The following SCHIP1 variants were observed in gnomAD, a reference collection of about 807,000 sequenced individuals.
SCHIP1 encodes schwannomin interacting protein 1, also known as schwannomin-interacting protein 1.
In SCHIP1, 8 loss-of-function variants were observed where a neutral mutation model predicts 29.7. The observed-to-expected ratio is 0.27, with a 90% confidence interval of 0.16 to 0.49. The LOEUF is 0.49. SCHIP1 is among the 20% of genes least tolerant of loss of function. The pLI, the probability that SCHIP1 is intolerant of heterozygous loss-of-function variation, is 0.99. For missense variants in SCHIP1, 193 were observed against 294.6 expected (o/e 0.66, Z 2.52); for synonymous variants, 76 against 94.9 (o/e 0.80, Z 1.16).
At chr3:159,464,732 G>T in the SCHIP1 span, among the ~76,000 whole-genome samples, 4 of 152,128 alleles carry the variant, frequency 2.6e-5, no homozygotes, top group Non-Finnish European at 5.9e-5. Flanking sequence ...TCAATTGAAT[G>T]AAAGAGGTCT....
the SCHIP1 span, among the ~76,000 whole-genome samples, chr3:159,667,554 C>A: frequency 6.6e-6 from 1 of 152,180 alleles, no homozygotes; most frequent in Non-Finnish European, 1.5e-5. Context: ...ATGAGGGAGG[C>A]TGACACAGGT....
chr3:159,483,305 A>C, the SCHIP1 span, among the ~76,000 whole-genome samples: 1 of 152,172 alleles, frequency 6.6e-6, no homozygotes, highest in African/African-American at 2.4e-5. Flanking sequence ...TCTACACAGA[A>C]TTTTATTTAA....
chr3:159,358,574 A>G, the SCHIP1 span, among the ~76,000 whole-genome samples: 7 of 152,318 alleles, frequency 4.6e-5, no homozygotes, highest in South Asian at 1.5e-3. Context: ...CAGTCTCTGC[A>G]CTTCCCAAAA....
the SCHIP1 span, among the ~76,000 whole-genome samples, chr3:159,743,851 C>T: frequency 6.6e-6 from 1 of 152,104 alleles, no homozygotes; most frequent in Non-Finnish European, 1.5e-5. Flanking sequence ...GGATTTTTCT[C>T]TATATTATTT....
chr3:159,565,280 C>T, the SCHIP1 span, among the ~76,000 whole-genome samples: 38 of 152,268 alleles, frequency 2.5e-4, no homozygotes, highest in East Asian at 7.1e-3. Flanking sequence ...TTTTATTTGT[C>T]TACATGATGT....
At chr3:159,497,172 A>G in the SCHIP1 span, among the ~76,000 whole-genome samples, 1 of 152,074 alleles carries the variant, frequency 6.6e-6, no homozygotes, top group Non-Finnish European at 1.5e-5. Flanking sequence ...TGGCTGCAGC[A>G]CACCAACATG....
intron 1 of SCHIP1, among the ~76,000 whole-genome samples, chr3:159,856,185 A>G (rs1308274336): frequency 6.6e-6 from 1 of 152,152 alleles, no homozygotes; most frequent in Non-Finnish European, 1.5e-5. Flanking sequence ...CATCTAAGTC[A>G]GTGTCCTCAT....
the SCHIP1 span, among the ~76,000 whole-genome samples, chr3:159,709,845 C>T: frequency 8.5e-5 from 13 of 152,264 alleles, no homozygotes; most frequent in Non-Finnish European, 1.8e-4. Context: ...CATTCTCCAT[C>T]TTGTTACAAG....
At chr3:159,769,940 C>T in the SCHIP1 span, among the ~76,000 whole-genome samples, 3 of 152,138 alleles carry the variant, frequency 2.0e-5, no homozygotes, top group Non-Finnish European at 4.4e-5. Flanking sequence ...CAAAAGTATC[C>T]TTGCACTCCT....
At chr3:159,689,129 G>C in the SCHIP1 span, among the ~76,000 whole-genome samples, 2 of 152,168 alleles carry the variant, frequency 1.3e-5, no homozygotes, top group Admixed American at 6.5e-5. Context: ...TTCTAATTCT[G>C]TGAAGAAAGT....
chr3:159,862,820 C>T (rs74379074), intron 1 of SCHIP1, among the ~76,000 whole-genome samples: 7 of 150,052 alleles, frequency 4.7e-5, no homozygotes, highest in African/African-American at 1.7e-4. Context: ...TTTTAAAAAA[C>T]TTTTTTTTTT....
chr3:159,543,458 A>G, the SCHIP1 span, among the ~76,000 whole-genome samples: 1 of 146,448 alleles, frequency 6.8e-6, no homozygotes, highest in Non-Finnish European at 1.5e-5. Context: ...ATGAGTGAGA[A>G]CAAGCGGTGT....
the SCHIP1 span, among the ~76,000 whole-genome samples, chr3:159,280,183 A>G: frequency 6.6e-6 from 1 of 152,326 alleles, no homozygotes; most frequent in African/African-American, 2.4e-5. Context: ...CTGATGTCAC[A>G]TTAGATCTTC....
At chr3:159,768,835 G>A in the SCHIP1 span, among the ~76,000 whole-genome samples, 2 of 152,142 alleles carry the variant, frequency 1.3e-5, no homozygotes, top group Non-Finnish European at 2.9e-5. Flanking sequence ...CATTGTGCCT[G>A]GCACAAATAA....
the SCHIP1 span, among the ~76,000 whole-genome samples, chr3:159,353,455 T>C: frequency 6.6e-6 from 1 of 152,134 alleles, no homozygotes; most frequent in African/African-American, 2.4e-5. Flanking sequence ...ACTTAGTTCT[T>C]ACTGAATCAA....
the SCHIP1 span, among the ~76,000 whole-genome samples, chr3:159,489,740 GTTAAA>G: frequency 6.6e-6 from 1 of 152,044 alleles, no homozygotes; most frequent in Non-Finnish European, 1.5e-5. Flanking sequence ...ATTAAATATG[GTTAAA>G]TTATATTTAA....
the SCHIP1 span, among the ~76,000 whole-genome samples, chr3:159,754,772 A>T: frequency 1.3e-5 from 2 of 152,206 alleles, no homozygotes; most frequent in African/African-American, 4.8e-5. Flanking sequence ...TTTCATGTTC[A>T]TGTAGACTTG....
the SCHIP1 span, among the ~76,000 whole-genome samples, chr3:159,568,865 G>A: frequency 1.3e-5 from 2 of 152,024 alleles, no homozygotes; most frequent in South Asian, 2.1e-4. Flanking sequence ...TTTCTCATTA[G>A]CATGTAAATT....
At chr3:159,511,810 G>A in the SCHIP1 span, among the ~76,000 whole-genome samples, 10 of 152,060 alleles carry the variant, frequency 6.6e-5, no homozygotes, top group Non-Finnish European at 1.5e-5. Flanking sequence ...AAACAAAAAT[G>A]GAACTTTATC....
Sources: gnomAD v4.1 joint callset for allele counts (sites outside exome capture counted in the v4.1 genomes callset) on GRCh38, gnomAD v4.1.1 for gene constraint, MANE v1.5 for transcripts, NCBI Gene and HGNC (gene_info 2026-07-23, HGNC 2026-07-21) for gene names.